MAP4K3: variants seen among roughly 807,000 people sequenced by gnomAD.
MAP4K3 encodes the protein MAPK/ERK kinase kinase kinase 3.
In MAP4K3, 94 loss-of-function variants were observed where a neutral mutation model predicts 143.5. The observed-to-expected ratio is 0.65, with a 90% CI of 0.55 to 0.78. The LOEUF (loss-of-function observed/expected upper bound fraction) is 0.78, where lower values mean the gene tolerates loss of function less well. MAP4K3 is among the 30% of genes least tolerant of loss of function. The pLI is 0.00. For synonymous variants in MAP4K3, 416 were observed against 347.2 expected, an observed-to-expected ratio of 1.20 and a Z score of -2.20; for missense variants, 1,077 against 1,068.1, an observed-to-expected ratio of 1.01 and a Z score of -0.12.
At chr2:39,286,214 G>A (rs1327875152) in intron 21 of MAP4K3, among the ~76,000 whole-genome samples, 3 of 152,296 alleles carry the variant, frequency 2.0e-5, no homozygotes, top group African/African-American at 7.2e-5. Flanking sequence ...TGTAAGCAGC[G>A]TGCAACCTAG....
At chr2:39,421,267 GAAC>G (rs1324241359) in intron 1 of MAP4K3, among the ~76,000 whole-genome samples, 1 of 151,716 alleles carries the variant, frequency 6.6e-6, no homozygotes, top group Non-Finnish European at 1.5e-5. Flanking sequence ...CCTCTCTACA[GAAC>G]AACACAGTGA....
At chr2:39,287,951 CAT>C (rs1444058116) in intron 20 of MAP4K3, among the ~76,000 whole-genome samples, 168 bp downstream of exon 20, 37 of 152,168 alleles carry the variant, frequency 2.4e-4, no homozygotes, top group African/African-American at 8.9e-4. Context: ...GGAATCCTGT[CAT>C]AAAAACACTT....
intron 2 of MAP4K3, among the ~76,000 whole-genome samples, chr2:39,373,095 A>G (rs183084847): frequency 2.0e-3 from 312 of 152,314 alleles, no homozygotes; most frequent in African/African-American, 6.4e-3. Context: ...TCCACTGGGG[A>G]AAAAAACCCT....
At chr2:39,377,215 T>TTTTTTTTTTTTTTAA (rs1553421056) in intron 2 of MAP4K3, among the ~76,000 whole-genome samples, 1 of 150,094 alleles carries the variant, frequency 6.7e-6, no homozygotes, top group African/African-American at 2.4e-5. Flanking sequence ...TTTTTTTTTT[T>TTTTTTTTTTTTTTAA]AAACAGAAAA....
chr2:39,293,109 C>A (rs933332311), intron 17 of MAP4K3, 121 bp downstream of exon 17: 14 of 775,100 alleles, frequency 1.8e-5, no homozygotes, highest in Non-Finnish European at 3.0e-5. Flanking sequence ...AGAGCGAGAC[C>A]CTATCTCTAT....
intron 19 of MAP4K3, among the ~76,000 whole-genome samples, chr2:39,289,171 G>T (rs528888945): frequency 6.6e-6 from 1 of 152,120 alleles, no homozygotes; most frequent in Non-Finnish European, 1.5e-5. Flanking sequence ...GTTGGCTGAC[G>T]GTTTGTAGAA....
intron 1 of MAP4K3, among the ~76,000 whole-genome samples, chr2:39,385,583 T>TATATATATATACAC (rs1553422496): frequency 1.3e-5 from 1 of 77,250 alleles, no homozygotes; most frequent in African/African-American, 3.6e-5. Flanking sequence ...TATATATATA[T>TATATATATATACAC]ATATATATAT....
chr2:39,383,792 T>G (rs1666415482), intron 1 of MAP4K3, among the ~76,000 whole-genome samples: 1 of 149,306 alleles, frequency 6.7e-6, no homozygotes, highest in Admixed American at 6.6e-5. Flanking sequence ...AACATGTCTA[T>G]TTTTGTAAAT....
chr2:39,280,745 G>C (rs1371648763), intron 22 of MAP4K3, among the ~76,000 whole-genome samples: 2 of 152,040 alleles, frequency 1.3e-5, no homozygotes, highest in African/African-American at 4.8e-5. Context: ...CATTTTTCTT[G>C]TTTGGTTTTA....
At position 39,437,278 on chromosome 2, in the gene MAP4K3, T is replaced by G. The variant is rs1222720838; in HGVS notation, c.-291A>C. The G allele has an allele frequency of 9.0e-6, 2 of 222,412 alleles. No individual in the cohort carries two copies. Among genetic ancestry groups the G allele is most frequent in the Non-Finnish European group, 8.8e-6 (1 of 114,010 alleles). The allele number at this position is 222,412 out of a possible 1,614,324, so 13.8% of individuals were successfully genotyped here. ...CCTCGCTCGGGGTGAAACTCCAACA[T>G]GGCTTCCGCTTTCGCCGCTCCTCCC... is the stretch of plus-strand genomic sequence containing the variant. On this transcript the variant is annotated 5_prime_UTR_variant, in exon 1 of 34. The change abolishes an upstream ATG in the 5' untranslated region. Coordinates refer to ENST00000263881, the MANE Select transcript of MAP4K3 (RefSeq NM_003618.4).
chr2:39,363,796 T>C (rs1665838537), intron 2 of MAP4K3, among the ~76,000 whole-genome samples: 1 of 151,444 alleles, frequency 6.6e-6, no homozygotes, highest in African/African-American at 2.4e-5. Flanking sequence ...ACAAACAGTA[T>C]ACAATTTTTG....
At chr2:39,308,486 T>C (rs562393562) in intron 14 of MAP4K3, among the ~76,000 whole-genome samples, 3 of 152,278 alleles carry the variant, frequency 2.0e-5, no homozygotes, top group South Asian at 2.1e-4. Flanking sequence ...TGAGTTAAAA[T>C]AAGCATTAAA....
chr2:39,266,759 T>C (rs766628732), intron 27 of MAP4K3, among the ~76,000 whole-genome samples: 1 of 152,116 alleles, frequency 6.6e-6, no homozygotes, highest in East Asian at 1.9e-4. Flanking sequence ...CTAATTGTTA[T>C]TGGGGTGGGG....
intron 12 of MAP4K3, among the ~76,000 whole-genome samples, chr2:39,322,252 G>C (rs1341603939): frequency 2.6e-5 from 4 of 152,044 alleles, no homozygotes; most frequent in African/African-American, 9.7e-5. Flanking sequence ...AACAAAAACA[G>C]GTAACATGCA....
intron 20 of MAP4K3, among the ~76,000 whole-genome samples, chr2:39,287,598 C>G (rs1681853493): frequency 6.6e-6 from 1 of 152,156 alleles, no homozygotes; most frequent in Non-Finnish European, 1.5e-5. Flanking sequence ...CCACCATGCC[C>G]AGCCTAGTTG....
intron 18 of MAP4K3, 47 bp downstream of exon 18, chr2:39,292,726 G>C: frequency 6.7e-7 from 1 of 1,488,468 alleles, no homozygotes; most frequent in Non-Finnish European, 9.4e-7. Flanking sequence ...ATGAAATCAG[G>C]TCAAATGACA....
At chr2:39,293,327 A>C (rs978730145) in intron 16 of MAP4K3, 59 bp from the exon 17 acceptor site, 5 of 1,052,140 alleles carry the variant, frequency 4.8e-6, no homozygotes, top group Non-Finnish European at 7.0e-6. Context: ...GGAATATCGA[A>C]TGTGTTTTTA....
rs376666814 is a variant in MAP4K3 at position 39,304,535 on chromosome 2, G to A, written c.1119+3408C>T. Among the ~76,000 whole-genome samples, 5 of 152,150 alleles carry A rather than the reference G, an allele frequency of 3.3e-5. No homozygotes were observed. The South Asian group carries it at 8.3e-4, about 25-fold the overall frequency. On this transcript the variant is annotated intron_variant, in intron 15 of 33. Transcript: ENST00000263881. ...TATACCCATTAGGATAGCTATTATC[G>A]AAAGTCAAAAACAAAACAAAACAGA... is the stretch of plus-strand genomic sequence containing the variant.
chr2:39,410,501 C>T lies in MAP4K3; in HGVS notation c.96+26391G>A, dbSNP rs912394083. On this transcript the variant is annotated intron_variant, in intron 1 of 33. Transcript: ENST00000263881. Reference sequence around the variant, plus strand: ...TAATACATTATAATAACAAACTCTACTGAAAACCATTACAGTCACATGTCA... The same window carrying T: ...TAATACATTATAATAACAAACTCTATTGAAAACCATTACAGTCACATGTCA... 5.9e-5 allele frequency among the ~76,000 whole-genome samples: 9 copies of T among 152,278 alleles called. No homozygotes were observed. In the South Asian group the frequency reaches 1.7e-3, roughly 28 times the overall value.
Sources: allele counts gnomAD v4.1 joint callset (sites outside exome capture counted in the v4.1 genomes callset), GRCh38; gene constraint gnomAD v4.1.1; transcripts MANE v1.5; gene names NCBI Gene and HGNC (gene_info 2026-07-23, HGNC 2026-07-21).